LHFPL6: variants seen among roughly 807,000 people sequenced by gnomAD.
LHFPL6 encodes the protein LHFPL tetraspan subfamily member 6 protein.
A neutral mutation model predicts 20.6 loss-of-function variants in LHFPL6; 9 were observed. That is an observed-to-expected ratio of 0.44 (90% CI 0.26 to 0.76). The LOEUF is 0.76. Among genes scored for constraint, LHFPL6 ranks in the 30% least tolerant of loss-of-function variants. LHFPL6 has a pLI of 0.20. For missense variants in LHFPL6, 218 were observed against 253.5 expected, an observed-to-expected ratio of 0.86 and a Z score of 0.95; for synonymous variants, 105 against 98.7, an observed-to-expected ratio of 1.06 and a Z score of -0.38.
chr13:39,513,481 G>A (rs1272963073), intron 2 of LHFPL6, among the ~76,000 whole-genome samples: 1 of 152,066 alleles, frequency 6.6e-6, no homozygotes, highest in Non-Finnish European at 1.5e-5. Context: ...AAATCTTGAA[G>A]GCTAAAACTA....
chr13:39,371,920 G>GAACAAGGATGCCAAAGCCTTGTTTA (rs1277520292), intron 3 of LHFPL6, among the ~76,000 whole-genome samples: 2 of 152,170 alleles, frequency 1.3e-5, no homozygotes, highest in Non-Finnish European at 2.9e-5. Flanking sequence ...CTTTTGGCAT[G>GAACAAGGATGCCAAAGCCTTGTTTA]AACAAGGATG....
chr13:39,422,602 A>AAT (rs67032774), intron 2 of LHFPL6, among the ~76,000 whole-genome samples: 1 of 114,340 alleles, frequency 8.7e-6, no homozygotes, highest in Non-Finnish European at 1.8e-5. Flanking sequence ...AAAAAAAAAA[A>AAT]AAGAAGAAGA....
In LHFPL6 at chr13:39,538,030, G is replaced by A. The variant is rs12428813; in HGVS notation, c.385+62802C>T. Among the ~76,000 whole-genome samples the A allele has an allele frequency of 5.3e-3, 755 of 143,366 alleles. 6 individuals are homozygous for A. Among genetic ancestry groups the A allele is most frequent in the Admixed American group, 0.015 (204 of 13,936 alleles). The allele number at this position is 143,366 out of a possible 152,430, so 94.1% of individuals were successfully genotyped here. On this transcript the variant is annotated intron_variant, in intron 2 of 3. Transcript: ENST00000379589. ...TTTTGAGACGGAGTCTTACTCTGTC[G>A]CCCAGGCTGGAGTGCAGTGGCGGGA...
intron 2 of LHFPL6, among the ~76,000 whole-genome samples, chr13:39,423,764 G>A (rs1403107955): frequency 6.6e-6 from 1 of 152,214 alleles, no homozygotes; most frequent in African/African-American, 2.4e-5. Flanking sequence ...GTGAGATAAA[G>A]TAGTGCCAGG....
At chr13:39,409,449 A>T (rs1473298492) in intron 2 of LHFPL6, among the ~76,000 whole-genome samples, 1 of 152,118 alleles carries the variant, frequency 6.6e-6, no homozygotes, top group Non-Finnish European at 1.5e-5. Context: ...GTGAGACTCC[A>T]TCTCAAAAAC....
chr13:39,595,092 A>G (rs1872729795), intron 2 of LHFPL6, among the ~76,000 whole-genome samples: 2 of 152,226 alleles, frequency 1.3e-5, no homozygotes, highest in African/African-American at 4.8e-5. Context: ...CGTTGTGCAC[A>G]TGTACCCTAA....
intron 2 of LHFPL6, among the ~76,000 whole-genome samples, chr13:39,449,375 C>T (rs980403231): frequency 6.6e-5 from 10 of 152,140 alleles, no homozygotes; most frequent in Non-Finnish European, 2.9e-5. Flanking sequence ...AAAATGTCCT[C>T]ATTTGTCCTG....
chr13:39,388,426 A>G (rs1484175296), intron 2 of LHFPL6, among the ~76,000 whole-genome samples: 1 of 152,216 alleles, frequency 6.6e-6, no homozygotes, highest in Non-Finnish European at 1.5e-5. Flanking sequence ...AAAAAAATAA[A>G]GTTGTTTCAA....
intron 2 of LHFPL6, among the ~76,000 whole-genome samples, chr13:39,442,799 T>C (rs1160897990): frequency 6.6e-6 from 1 of 152,200 alleles, no homozygotes; most frequent in African/African-American, 2.4e-5. Context: ...ACAATCTCCT[T>C]CTTAAAACTC....
At chr13:39,563,511 G>T (rs1362164615) in intron 2 of LHFPL6, among the ~76,000 whole-genome samples, 1 of 152,150 alleles carries the variant, frequency 6.6e-6, no homozygotes, top group Admixed American at 6.6e-5. Context: ...TGAGGCAAGG[G>T]AGCAAAAATA....
At chr13:39,468,697 AC>A (rs1872865911) in intron 2 of LHFPL6, among the ~76,000 whole-genome samples, 2 of 152,186 alleles carry the variant, frequency 1.3e-5, no homozygotes, top group Middle Eastern at 3.4e-3. Flanking sequence ...ATCTAATATT[AC>A]CCTTTTACAT....
intron 2 of LHFPL6, among the ~76,000 whole-genome samples, chr13:39,532,221 T>G (rs1003401300): frequency 3.3e-5 from 5 of 152,072 alleles, no homozygotes; most frequent in Non-Finnish European, 5.9e-5. Context: ...CTAATCCTAC[T>G]CCTGCCCTAA....
chr13:39,441,257 A>G (rs1005107949), intron 2 of LHFPL6, among the ~76,000 whole-genome samples: 2 of 141,640 alleles, frequency 1.4e-5, no homozygotes, highest in African/African-American at 2.6e-5. Context: ...AAGTGTTGGT[A>G]TTATAGGTGT....
At chr13:39,413,978 G>A (rs1871293376) in intron 2 of LHFPL6, among the ~76,000 whole-genome samples, 1 of 152,158 alleles carries the variant, frequency 6.6e-6, no homozygotes, top group Non-Finnish European at 1.5e-5. Context: ...CTCATCCATA[G>A]TGATGAGTAT....
intron 2 of LHFPL6, among the ~76,000 whole-genome samples, chr13:39,399,057 TTTCCTAGTGCC>T (rs1287046344): frequency 1.3e-5 from 2 of 152,170 alleles, no homozygotes; most frequent in African/African-American, 2.4e-5. Flanking sequence ...ACTCCAAGTC[TTTCCTAGTGCC>T]TTCCTAGTGC....
At chr13:39,465,569 C>T (rs1429909527) in intron 2 of LHFPL6, among the ~76,000 whole-genome samples, 5 of 152,128 alleles carry the variant, frequency 3.3e-5, no homozygotes, top group Admixed American at 3.3e-4. Context: ...GCACCCAATT[C>T]CTAGGGGAAG....
intron 2 of LHFPL6, among the ~76,000 whole-genome samples, chr13:39,382,295 C>A (rs770236059): frequency 2.0e-5 from 3 of 152,222 alleles, no homozygotes; most frequent in Non-Finnish European, 4.4e-5. Context: ...TCCGATTAAA[C>A]CTGCTTTTCC....
intron 2 of LHFPL6, among the ~76,000 whole-genome samples, chr13:39,565,481 A>G (rs1593366120): frequency 6.6e-6 from 1 of 152,218 alleles, no homozygotes; most frequent in East Asian, 1.9e-4. Flanking sequence ...GAATGTTGGC[A>G]TAACTATCAG....
rs746394262 is a variant in LHFPL6 at position 39,428,871 on chromosome 13, A to AT, written c.386-50346dup. On this transcript the variant is annotated intron_variant, in intron 2 of 3. Transcript: ENST00000379589. The stretch of plus-strand genomic sequence containing the variant: ...CACAAATTTTGATGTATTTCTCTTT[A>AT]TTTTCATTCCATTCAAAATACTTTC... Among the ~76,000 whole-genome samples, 6 of 152,154 alleles carry AT rather than the reference A, an allele frequency of 3.9e-5. No homozygotes were observed. The East Asian group carries it at 1.2e-3, about 29-fold the overall frequency.
Sources: gnomAD v4.1 joint callset for allele counts (sites outside exome capture counted in the v4.1 genomes callset) on GRCh38, gnomAD v4.1.1 for gene constraint, MANE v1.5 for transcripts, NCBI Gene and HGNC (gene_info 2026-07-23, HGNC 2026-07-21) for gene names.